LBR: variants seen among roughly 807,000 people sequenced by gnomAD.
LBR encodes the protein lamin B receptor, also known as delta(14)-sterol reductase LBR.
Under a neutral mutation model 74.3 loss-of-function variants are expected in LBR, and 28 were observed. The observed-to-expected ratio is 0.38, with a 90% CI of 0.28 to 0.52. The LOEUF (loss-of-function observed/expected upper bound fraction) is 0.52, where lower values mean the gene tolerates loss of function less well. Ranked by LOEUF, LBR falls within the 20% of genes least tolerant of loss-of-function variation. The pLI is 0.89. For synonymous variants in LBR, 228 were observed against 269.3 expected, an observed-to-expected ratio of 0.85 and a Z score of 1.50; for missense variants, 717 against 760.3, an observed-to-expected ratio of 0.94 and a Z score of 0.67.
chr1:225,424,677 C>A (rs1036219387), intron 1 of LBR, among the ~76,000 whole-genome samples: 3 of 152,210 alleles, frequency 2.0e-5, no homozygotes, highest in Non-Finnish European at 2.9e-5. Flanking sequence ...CCCACCTAAG[C>A]CAGGGTGGTT....
chr1:225,423,192 G>A (rs899926131), intron 2 of LBR, among the ~76,000 whole-genome samples: 8 of 152,158 alleles, frequency 5.3e-5, no homozygotes, highest in African/African-American at 1.9e-4. Flanking sequence ...GTAAAACTGT[G>A]AGTCGTCTAT....
chr1:225,412,105 C>T (rs745931430), intron 8 of LBR, among the ~76,000 whole-genome samples: 4 of 152,192 alleles, frequency 2.6e-5, no homozygotes, highest in Admixed American at 1.3e-4. Flanking sequence ...CCACCTCACC[C>T]GGCCAGTAAC....
intron 3 of LBR, among the ~76,000 whole-genome samples, chr1:225,421,148 T>C (rs1009829480): frequency 2.0e-5 from 3 of 152,224 alleles, no homozygotes; most frequent in Admixed American, 1.3e-4. Flanking sequence ...TTTTAAAATG[T>C]CTTAAAGCTG....
At chr1:225,404,564 G>C (rs2096087587) in intron 12 of LBR, 38 bp from the exon 13 acceptor site, 3 of 1,571,248 alleles carry the variant, frequency 1.9e-6, no homozygotes, top group African/African-American at 2.8e-5. Context: ...ATGATGTCGA[G>C]ACAAAAAGAA....
chr1:225,403,207 G>T lies in LBR; in HGVS notation c.*96C>A. 2 of 1,166,312 alleles carry T rather than the reference G, an allele frequency of 1.7e-6. No homozygotes were observed. Among genetic ancestry groups the T allele is most frequent in the Non-Finnish European group, 2.6e-6 (2 of 775,338 alleles). 72.2% of individuals were successfully genotyped at this position (1,166,312 alleles called of 1,614,324 possible). A position where few individuals can be genotyped will look rare whatever the true frequency, so the allele number is the denominator to read the frequency against. On this transcript the variant is annotated 3_prime_UTR_variant, in exon 14 of 14. Coordinates refer to ENST00000272163, the MANE Select transcript of LBR (RefSeq NM_002296.4). ...AAAGAAAAAAAAAAGTACAGACCCTGTCAGTGCAACAAAAGAAAGTTTCGG... is the reference window on the plus strand; with the variant it reads ...AAAGAAAAAAAAAAGTACAGACCCTTTCAGTGCAACAAAAGAAAGTTTCGG...
chr1:225,414,533 T>A (rs1333828467), intron 7 of LBR, among the ~76,000 whole-genome samples: 1 of 152,212 alleles, frequency 6.6e-6, no homozygotes. Flanking sequence ...GCTCTTACAG[T>A]GCGAGATGCC....
chr1:225,421,972 A>G, intron 3 of LBR, 105 bp downstream of exon 3: 6 of 1,136,164 alleles, frequency 5.3e-6, no homozygotes, highest in Non-Finnish European at 7.8e-6. Context: ...ATCAACTTAG[A>G]TTTGATGTTT....
intron 6 of LBR, among the ~76,000 whole-genome samples, chr1:225,416,865 T>C (rs1314760229): frequency 6.6e-6 from 1 of 152,214 alleles, no homozygotes; most frequent in Non-Finnish European, 1.5e-5. Flanking sequence ...ACAAGGAAGA[T>C]GCACACAGGT....
intron 7 of LBR, among the ~76,000 whole-genome samples, chr1:225,412,915 A>C (rs1364384881): frequency 1.3e-5 from 2 of 152,166 alleles, no homozygotes; most frequent in African/African-American, 2.4e-5. Flanking sequence ...TTAAGGGAAA[A>C]CAGACAAGAA....
rs1338435054 is a variant in LBR at position 225,407,871 on chromosome 1, TTAGTTAACCAGAG to T, written c.1315-1052_1315-1040del. Among the ~76,000 whole-genome samples the T allele has an allele frequency of 2.0e-5, 3 of 152,178 alleles. No individual in the cohort carries two copies. The East Asian group carries it at 5.8e-4, about 29-fold the overall frequency. The stretch of plus-strand genomic sequence containing the variant: ...ATCTAGCTCCTTAGGCTTATACTCT[TTAGTTAACCAGAG>T]TACTTTATTCTCTTTAAAAAAAAAA... On this transcript the variant is annotated intron_variant, in intron 10 of 13. Coordinates refer to ENST00000272163, the MANE Select transcript of LBR (RefSeq NM_002296.4).
chr1:225,416,219 G>A (rs2096116937), intron 6 of LBR, among the ~76,000 whole-genome samples: 1 of 151,190 alleles, frequency 6.6e-6, no homozygotes, highest in Non-Finnish European at 1.5e-5. Flanking sequence ...AAAAAAGAGA[G>A]AGAGAGAGAG....
intron 7 of LBR, among the ~76,000 whole-genome samples, chr1:225,413,193 C>T (rs2150950852): frequency 6.6e-6 from 1 of 152,326 alleles, no homozygotes; most frequent in Non-Finnish European, 1.5e-5. Flanking sequence ...ATGCCACCCG[C>T]AGAAAAGATG....
chr1:225,411,826 T>C (rs556427354), intron 8 of LBR, among the ~76,000 whole-genome samples: 2 of 152,376 alleles, frequency 1.3e-5, no homozygotes, highest in Non-Finnish European at 2.9e-5. Flanking sequence ...TTGTTTTGTT[T>C]TGAGATGGAG....
intron 6 of LBR, chr1:225,417,645 C>T (rs1357908658): frequency 2.7e-5 from 6 of 223,322 alleles, no homozygotes; most frequent in South Asian, 2.1e-4. Flanking sequence ...CACTGAGAGT[C>T]GGCTACTTTG....
At chr1:225,417,948 T>C in intron 6 of LBR, 36 bp downstream of exon 6, 3 of 1,592,620 alleles carry the variant, frequency 1.9e-6, no homozygotes, top group Non-Finnish European at 2.6e-6. Flanking sequence ...TGAGACCTCA[T>C]CTTATTAAAA....
chr1:225,410,108 A>G (rs551149866), intron 10 of LBR, among the ~76,000 whole-genome samples, 183 bp downstream of exon 10: 2 of 152,328 alleles, frequency 1.3e-5, no homozygotes, highest in African/African-American at 4.8e-5. Context: ...AAATGCCTAG[A>G]AACTTCCCAC....
At chr1:225,408,416 G>A (rs2096096923) in intron 10 of LBR, among the ~76,000 whole-genome samples, 1 of 152,250 alleles carries the variant, frequency 6.6e-6, no homozygotes, top group Admixed American at 6.5e-5. Flanking sequence ...GTGAGTGGCA[G>A]TGAGAGGGCA....
intron 7 of LBR, chr1:225,414,183 G>A: frequency 2.2e-6 from 1 of 454,906 alleles, no homozygotes; most frequent in Admixed American, 2.4e-5. Flanking sequence ...CCCACCAGGG[G>A]TCAGACTCTG....
At chr1:225,428,417 T>A (rs1454430567), upstream of LBR, among the ~76,000 whole-genome samples, 1 of 152,154 alleles carries the variant, frequency 6.6e-6, no homozygotes, top group Non-Finnish European at 1.5e-5. Flanking sequence ...GGGTGCCAGG[T>A]GGCTTGGCGA....
Sources: allele counts gnomAD v4.1 joint callset (sites outside exome capture counted in the v4.1 genomes callset), GRCh38; gene constraint gnomAD v4.1.1; transcripts MANE v1.5; gene names NCBI Gene and HGNC (gene_info 2026-07-23, HGNC 2026-07-21).